The following ITFG1 variants were observed in gnomAD, a reference collection of about 807,000 sequenced individuals.
ITFG1 encodes the protein integrin alpha FG-GAP repeat containing 1.
In ITFG1, 34 loss-of-function variants were observed where a neutral mutation model predicts 81.8. The observed-to-expected ratio is 0.42, with a 90% CI of 0.32 to 0.55. The LOEUF (loss-of-function observed/expected upper bound fraction) is 0.55, where lower values mean the gene tolerates loss of function less well. Among genes scored for constraint, ITFG1 ranks in the 20% least tolerant of loss-of-function variants. ITFG1 has a pLI of 0.17. For missense variants in ITFG1, 672 were observed against 755.4 expected, an observed-to-expected ratio of 0.89 and a Z score of 1.29; for synonymous variants, 285 against 270.6, an observed-to-expected ratio of 1.05 and a Z score of -0.52.
chr16:47,350,326 T>C (rs984075177), intron 8 of ITFG1, among the ~76,000 whole-genome samples: 5 of 151,524 alleles, frequency 3.3e-5, no homozygotes, highest in Admixed American at 2.0e-4. Context: ...GCAAGACTAA[T>C]AAAGAAGAAA....
intron 12 of ITFG1, among the ~76,000 whole-genome samples, chr16:47,252,389 G>A (rs1162920189): frequency 6.6e-6 from 1 of 152,158 alleles, no homozygotes; most frequent in Non-Finnish European, 1.5e-5. Flanking sequence ...TTTCCCAAAG[G>A]AAAGGTCTCA....
At chr16:47,325,873 A>G (rs527741579) in intron 8 of ITFG1, among the ~76,000 whole-genome samples, 1 of 152,342 alleles carries the variant, frequency 6.6e-6, no homozygotes, top group African/African-American at 2.4e-5. Context: ...AAATGGATTC[A>G]CAGCCAAATT....
intron 10 of ITFG1, among the ~76,000 whole-genome samples, chr16:47,266,082 T>C (rs780111162): frequency 1.1e-4 from 17 of 152,132 alleles, no homozygotes; most frequent in Non-Finnish European, 2.4e-4. Flanking sequence ...AAGGAAAATA[T>C]ATACGAAAAT....
intron 14 of ITFG1, among the ~76,000 whole-genome samples, chr16:47,182,614 G>A (rs928040287): frequency 3.3e-5 from 5 of 152,146 alleles, no homozygotes; most frequent in Admixed American, 3.3e-4. Flanking sequence ...GTACAAAAAC[G>A]AAAATATAAT....
intron 10 of ITFG1, among the ~76,000 whole-genome samples, chr16:47,273,048 C>T (rs1333390040): frequency 1.3e-5 from 2 of 151,298 alleles, no homozygotes; most frequent in African/African-American, 4.9e-5. Context: ...TCTTACTTCT[C>T]ATTAAGAGAG....
At chr16:47,277,240 T>C (rs1356081466) in intron 10 of ITFG1, among the ~76,000 whole-genome samples, 2 of 152,240 alleles carry the variant, frequency 1.3e-5, no homozygotes, top group East Asian at 1.9e-4. Flanking sequence ...GCTTGTTTTA[T>C]TGGAAATATA....
At chr16:47,416,033 G>T (rs1968869891) in intron 6 of ITFG1, among the ~76,000 whole-genome samples, 1 of 152,170 alleles carries the variant, frequency 6.6e-6, no homozygotes, top group Non-Finnish European at 1.5e-5. Flanking sequence ...GGCAGAGGCT[G>T]CAATGAGCCA....
intron 14 of ITFG1, among the ~76,000 whole-genome samples, chr16:47,164,501 T>C (rs1023510223): frequency 2.6e-5 from 4 of 152,250 alleles, no homozygotes; most frequent in African/African-American, 9.6e-5. Context: ...AGCTGATTAT[T>C]TGAATGAGGT....
chr16:47,419,829 C>T (rs555465280), intron 6 of ITFG1, among the ~76,000 whole-genome samples: 133 of 152,168 alleles, frequency 8.7e-4, no homozygotes, highest in Middle Eastern at 6.8e-3. Flanking sequence ...TCTTGAACTC[C>T]TGATCACAAG....
intron 8 of ITFG1, among the ~76,000 whole-genome samples, chr16:47,319,419 T>G (rs996907023): frequency 3.9e-5 from 6 of 152,216 alleles, no homozygotes; most frequent in Non-Finnish European, 7.3e-5. Flanking sequence ...AACAGTAGCT[T>G]GTCTGTCAAG....
Position 47,460,824 on chromosome 16 carries a change from C to T in ITFG1, c.208+14G>A, listed in dbSNP as rs1207662427. On this transcript the variant is annotated intron_variant, in intron 1 of 17. Coordinates refer to ENST00000320640, the MANE Select transcript of ITFG1 (RefSeq NM_030790.5). Reference sequence around the variant, plus strand: ...ACGGACAGCGAACAGAGGGAGGGCCCGGCAAGCACTGACTTTCCCGCAGCA... The same window carrying T: ...ACGGACAGCGAACAGAGGGAGGGCCTGGCAAGCACTGACTTTCCCGCAGCA... The T allele has an allele frequency of 6.2e-7, 1 of 1,611,984 alleles. No individual in the cohort carries two copies. Among genetic ancestry groups the T allele is most frequent in the African/African-American group, 1.3e-5 (1 of 75,048 alleles).
rs1008011618 is a variant in ITFG1, at chr16:47,412,617, C to A, written c.655+16187G>T. Among the ~76,000 whole-genome samples, 3 of 151,630 alleles carry A rather than the reference C, an allele frequency of 2.0e-5. No individual in the cohort carries two copies. The East Asian group carries it at 5.8e-4, about 30-fold the overall frequency. ...GCTGAGGCATGAGAATCACTTGAACCCAAGGAGGTGGAGGTTGCAGTGAGC... is the reference window on the plus strand; with the variant it reads ...GCTGAGGCATGAGAATCACTTGAACACAAGGAGGTGGAGGTTGCAGTGAGC... On this transcript the variant is annotated intron_variant, in intron 6 of 17. Transcript: ENST00000320640.
At chr16:47,319,472 T>C (rs1377552557) in intron 8 of ITFG1, among the ~76,000 whole-genome samples, 3 of 152,200 alleles carry the variant, frequency 2.0e-5, no homozygotes, top group African/African-American at 7.2e-5. Flanking sequence ...AAGTAGCTAG[T>C]TTAGCTTGCA....
chr16:47,209,207 A>G (rs1965535705), intron 14 of ITFG1, among the ~76,000 whole-genome samples: 2 of 152,196 alleles, frequency 1.3e-5, no homozygotes, highest in Admixed American at 6.5e-5. Context: ...CTACCAAACT[A>G]TATTTACTAA....
intron 2 of ITFG1, among the ~76,000 whole-genome samples, chr16:47,454,500 A>G (rs1969427869): frequency 6.6e-6 from 1 of 152,202 alleles, no homozygotes; most frequent in Admixed American, 6.5e-5. Context: ...TAACAAATGG[A>G]GGCTCATAAT....
intron 10 of ITFG1, among the ~76,000 whole-genome samples, chr16:47,272,388 CACA>C (rs1357492914): frequency 1.4e-4 from 22 of 151,980 alleles, no homozygotes; most frequent in African/African-American, 5.1e-4. Flanking sequence ...ATGATGGATG[CACA>C]ACAATATGAA....
intron 6 of ITFG1, among the ~76,000 whole-genome samples, chr16:47,394,402 G>A (rs187552541): frequency 6.6e-6 from 1 of 152,232 alleles, no homozygotes; most frequent in East Asian, 1.9e-4. Flanking sequence ...AGATTTGTTT[G>A]AGAATCGCTC....
chr16:47,213,564 A>G (rs1355995090), intron 14 of ITFG1, among the ~76,000 whole-genome samples: 1 of 152,072 alleles, frequency 6.6e-6, no homozygotes, highest in African/African-American at 2.4e-5. Flanking sequence ...GGCTTCATAC[A>G]TTTTGCAGCT....
At chr16:47,224,754 G>A (rs1965737622) in intron 13 of ITFG1, among the ~76,000 whole-genome samples, 1 of 152,182 alleles carries the variant, frequency 6.6e-6, no homozygotes, top group African/African-American at 2.4e-5. Context: ...ACAGATGTTA[G>A]ATTTACTAGG....
Sources: gnomAD v4.1 joint callset for allele counts (sites outside exome capture counted in the v4.1 genomes callset) on GRCh38, gnomAD v4.1.1 for gene constraint, MANE v1.5 for transcripts, NCBI Gene and HGNC (gene_info 2026-07-23, HGNC 2026-07-21) for gene names.